The following MAP3K7CL variants were observed in gnomAD, a reference collection of about 807,000 sequenced individuals.
The protein encoded by MAP3K7CL is MAP3K7 C-terminal-like protein.
In MAP3K7CL, 16 loss-of-function variants were observed where a neutral mutation model predicts 18.6. The ratio of observed to expected loss-of-function variants is 0.86; its 90% CI spans 0.58 to 1.31. MAP3K7CL has a LOEUF of 1.31. MAP3K7CL is among the 50% of genes most tolerant of loss of function. MAP3K7CL has a pLI of 0.00. For synonymous variants in MAP3K7CL, 65 were observed against 66.8 expected, an observed-to-expected ratio of 0.97 and a Z score of 0.13; for missense variants, 163 against 174.4, an observed-to-expected ratio of 0.93 and a Z score of 0.37.
At chr21:29,161,835 A>C (rs2087556521) in intron 4 of MAP3K7CL, among the ~76,000 whole-genome samples, 1 of 152,218 alleles carries the variant, frequency 6.6e-6, no homozygotes, top group South Asian at 2.1e-4. Flanking sequence ...GGTGGACAGT[A>C]TGGGTTTTGG....
chr21:29,126,973 T>G (rs1158311302), upstream of MAP3K7CL, among the ~76,000 whole-genome samples: 2 of 152,218 alleles, frequency 1.3e-5, no homozygotes, highest in African/African-American at 2.4e-5. Flanking sequence ...CCATTAAAAT[T>G]TCTTTTTTAA....
chr21:29,104,184 T>G (rs1160987358), intron 4 of MAP3K7CL, among the ~76,000 whole-genome samples: 1 of 152,168 alleles, frequency 6.6e-6, no homozygotes, highest in Non-Finnish European at 1.5e-5. Flanking sequence ...GCTCTGCTGC[T>G]CAAAGGGTGG....
At chr21:29,172,606 C>T (rs974008996) in intron 4 of MAP3K7CL, among the ~76,000 whole-genome samples, 1 of 152,144 alleles carries the variant, frequency 6.6e-6, no homozygotes, top group Non-Finnish European at 1.5e-5. Flanking sequence ...TATCCTGTTA[C>T]ATATCCATAT....
intron 3 of MAP3K7CL, among the ~76,000 whole-genome samples, chr21:29,151,706 T>C (rs1378856402): frequency 6.6e-6 from 1 of 152,198 alleles, no homozygotes; most frequent in Admixed American, 6.5e-5. Flanking sequence ...TTAATTCTAC[T>C]TTTTTTGTGT....
chr21:29,170,146 T>A (rs909655994), intron 4 of MAP3K7CL, among the ~76,000 whole-genome samples: 10 of 152,246 alleles, frequency 6.6e-5, no homozygotes, highest in African/African-American at 2.2e-4. Flanking sequence ...TAATTATGAA[T>A]TGCTAATGGA....
chr21:29,093,101 A>C (rs976391646), intron 4 of MAP3K7CL, among the ~76,000 whole-genome samples: 1 of 152,104 alleles, frequency 6.6e-6, no homozygotes, highest in African/African-American at 2.4e-5. Context: ...ATGGGGTTTC[A>C]CCATGTTGGC....
In MAP3K7CL at chr21:29,171,764, G is replaced by A. The variant is rs530754869; in HGVS notation, c.249-2948G>A. ...AGAGGTTGAAGTGAGCCGACATCAC[G>A]CCACCGCACTCCAGTCTGGGTGACA... On this transcript the variant is annotated intron_variant, in intron 4 of 4. Transcript: ENST00000399928. Among the ~76,000 whole-genome samples the A allele has an allele frequency of 7.0e-5, 9 of 127,952 alleles. No homozygotes were observed. In the South Asian group the frequency reaches 1.8e-3, roughly 26 times the overall value. 83.9% of individuals were successfully genotyped at this position (127,952 alleles called of 152,430 possible).
At position 29,148,165 on chromosome 21, in the gene MAP3K7CL, A is replaced by G. The variant is rs150589663; in HGVS notation, c.71-1024A>G. ...TGTACTGTATATGTATCTGTACTGTACCTGTACTGTATGTATATGTGTACT... is the reference window on the plus strand; with the variant it reads ...TGTACTGTATATGTATCTGTACTGTGCCTGTACTGTATGTATATGTGTACT... On this transcript the variant is annotated intron_variant, in intron 2 of 4. Transcript: ENST00000399928. Among the ~76,000 whole-genome samples the G allele has an allele frequency of 7.8e-4, 118 of 151,874 alleles. 1 individual carries two copies. In the East Asian group the frequency reaches 0.021, roughly 27 times the overall value.
At position 29,146,893 on chromosome 21, in the gene MAP3K7CL, A is replaced by G. The variant is rs185625880; in HGVS notation, c.71-2296A>G. 2.0e-5 allele frequency among the ~76,000 whole-genome samples: 3 copies of G among 152,282 alleles called. No individual in the cohort carries two copies. The East Asian group carries it at 5.8e-4, about 29-fold the overall frequency. ...ATTATCTTTTTGGTGATTATCTTCG[A>G]TGCTTTCAATGCCTTAGATGCCAGA... On this transcript the variant is annotated intron_variant, in intron 2 of 4. Coordinates refer to ENST00000399928, the MANE Select transcript of MAP3K7CL (RefSeq NM_001286620.2).
chr21:29,092,716 G>C, intron 4 of MAP3K7CL: 2 of 939,124 alleles, frequency 2.1e-6, no homozygotes, highest in Non-Finnish European at 1.6e-6. Context: ...ATGGCTCTAC[G>C]ACGTGCTGGG....
At chr21:29,091,802 T>C in intron 3 of MAP3K7CL, 1 of 698,744 alleles carries the variant, frequency 1.4e-6, no homozygotes, top group Non-Finnish European at 2.6e-6. Flanking sequence ...CTCAAATACA[T>C]GATAGTAACT....
intron 4 of MAP3K7CL, chr21:29,109,157 C>A: frequency 6.5e-7 from 1 of 1,535,412 alleles, no homozygotes; most frequent in South Asian, 1.2e-5. Flanking sequence ...TCTTCCCTAA[C>A]GCCCTTTCCA....
chr21:29,112,535 T>A (rs2086436423), intron 4 of MAP3K7CL, among the ~76,000 whole-genome samples: 1 of 152,074 alleles, frequency 6.6e-6, no homozygotes, highest in Non-Finnish European at 1.5e-5. Flanking sequence ...ACTTTATATT[T>A]ATTTATTTTA....
chr21:29,148,248 G>A (rs2087189287), intron 2 of MAP3K7CL, among the ~76,000 whole-genome samples: 1 of 151,932 alleles, frequency 6.6e-6, no homozygotes, highest in African/African-American at 2.4e-5. Context: ...TACTGTATGT[G>A]TACTGTATAT....
intron 4 of MAP3K7CL, among the ~76,000 whole-genome samples, chr21:29,120,545 C>T (rs1328402456): frequency 1.3e-5 from 2 of 152,288 alleles, no homozygotes; most frequent in Non-Finnish European, 2.9e-5. Context: ...GTGTCTGGGA[C>T]ATAGTATTTG....
chr21:29,150,959 G>A (rs558490193), intron 3 of MAP3K7CL, among the ~76,000 whole-genome samples: 196 of 151,276 alleles, frequency 1.3e-3, no homozygotes, highest in Middle Eastern at 3.4e-3. Context: ...TAGTAGAGAC[G>A]GGGTTTTGCC....
chr21:29,172,241 C>CTTGTTTTTTTTTT (rs2087853583), intron 4 of MAP3K7CL, among the ~76,000 whole-genome samples: 1 of 126,250 alleles, frequency 7.9e-6, no homozygotes. Flanking sequence ...TTGTCATTTT[C>CTTGTTTTTTTTTT]TTTTTTTTTT....
chr21:29,174,966 G>GA lies in MAP3K7CL; in HGVS notation c.*76dup. 7.2e-7 allele frequency: 1 copy of GA among 1,397,474 alleles called. No homozygotes were observed. Among genetic ancestry groups the GA allele is most frequent in the Non-Finnish European group, 9.7e-7 (1 of 1,028,562 alleles). The allele number at this position is 1,397,474 out of a possible 1,614,324, so 86.6% of individuals were successfully genotyped here. On this transcript the variant is annotated 3_prime_UTR_variant, in exon 5 of 5. Coordinates refer to ENST00000399928, the MANE Select transcript of MAP3K7CL (RefSeq NM_001286620.2). ...TGGCCAAAAGATTTTTATTTTAAAT[G>GA]AATAGTGAGTCAGATCTATTGCTTC... is the stretch of plus-strand genomic sequence containing the variant.
In MAP3K7CL at chr21:29,149,068, C is replaced by T. The variant is rs879447171; in HGVS notation, c.71-121C>T. On this transcript the variant is annotated intron_variant, in intron 2 of 4. Transcript: ENST00000399928. ...AATTGTCCTTTACATTCTGTCTGTC[C>T]CCAACTGAAGTGATGAAATGACTGA... is the stretch of plus-strand genomic sequence containing the variant. The T allele has an allele frequency of 1.3e-5, 11 of 831,720 alleles. No individual in the cohort carries two copies. In the Middle Eastern group the frequency reaches 9.2e-4, roughly 69 times the overall value. 51.5% of individuals were successfully genotyped at this position (831,720 alleles called of 1,614,324 possible).
Sources: gnomAD v4.1 joint callset for allele counts (sites outside exome capture counted in the v4.1 genomes callset) on GRCh38, gnomAD v4.1.1 for gene constraint, MANE v1.5 for transcripts, NCBI Gene and HGNC (gene_info 2026-07-23, HGNC 2026-07-21) for gene names.